Variants in COLEC12 observed in about 807,000 individuals in gnomAD.
The protein encoded by COLEC12 is collectin subfamily member 12.
In COLEC12, 33 loss-of-function variants were observed where a neutral mutation model predicts 71.1. The ratio of observed to expected loss-of-function variants is 0.46; its 90% CI spans 0.35 to 0.62. The LOEUF (loss-of-function observed/expected upper bound fraction) is 0.62, where lower values mean the gene tolerates loss of function less well. COLEC12 is among the 20% of genes least tolerant of loss of function. COLEC12 has a pLI of 0.00. For missense variants in COLEC12, 765 were observed against 916.1 expected (o/e 0.84, Z 2.13); for synonymous variants, 350 against 353.0 (o/e 0.99, Z 0.10).
chr18:495,685 G>C (rs7235036), intron 1 of COLEC12, among the ~76,000 whole-genome samples: 66,918 of 152,096 alleles, frequency 0.44, 14,971 homozygotes, highest in South Asian at 0.56. Flanking sequence ...CCTTGTCTAC[G>C]TTGCTCACTC....
intron 2 of COLEC12, among the ~76,000 whole-genome samples, chr18:377,147 T>C (rs1357328313): frequency 6.6e-6 from 1 of 151,974 alleles, no homozygotes; most frequent in Non-Finnish European, 1.5e-5. Flanking sequence ...CTTCAGTGGG[T>C]TTTAAACTGG....
At chr18:403,417 G>A (rs565480760) in intron 2 of COLEC12, among the ~76,000 whole-genome samples, 1 of 152,306 alleles carries the variant, frequency 6.6e-6, no homozygotes, top group South Asian at 2.1e-4. Context: ...TGCCTAGAGT[G>A]GGAAAATCTA....
chr18:403,949 C>A (rs1915736714), intron 2 of COLEC12, among the ~76,000 whole-genome samples: 1 of 152,190 alleles, frequency 6.6e-6, no homozygotes, highest in African/African-American at 2.4e-5. Flanking sequence ...CAATATATAA[C>A]CCTGGGCATC....
chr18:379,130 T>TG (rs1021739706), intron 2 of COLEC12, among the ~76,000 whole-genome samples: 1 of 151,762 alleles, frequency 6.6e-6, no homozygotes, highest in African/African-American at 2.4e-5. Flanking sequence ...TTTTTGTTTT[T>TG]TTTTTTCTTT....
rs777035448 is a variant in COLEC12, at chr18:331,780, GA to G, written c.1954-4del. ...ACCATCTGTTTTTTTATCCATTGCT[GA>G]AAAACAAAGCAGGGGTGGTGCGTGA... On this transcript the variant is annotated splice_region_variant and splice_polypyrimidine_tract_variant and intron_variant, in intron 7 of 9. Coordinates refer to ENST00000400256, the MANE Select transcript of COLEC12 (RefSeq NM_130386.3). The G allele has an allele frequency of 1.2e-5, 19 of 1,588,824 alleles. No individual in the cohort carries two copies. Among genetic ancestry groups the G allele is most frequent in the Admixed American group, 1.0e-4 (6 of 59,972 alleles).
chr18:468,559 A>G (rs747303782), intron 2 of COLEC12, among the ~76,000 whole-genome samples: 1 of 152,198 alleles, frequency 6.6e-6, no homozygotes, highest in Non-Finnish European at 1.5e-5. Context: ...GTGTATATTC[A>G]CATATACATA....
intron 2 of COLEC12, among the ~76,000 whole-genome samples, chr18:382,825 T>C (rs1915263033): frequency 6.6e-6 from 1 of 152,242 alleles, no homozygotes; most frequent in African/African-American, 2.4e-5. Context: ...TGACACATAA[T>C]AATTGTACAT....
intron 2 of COLEC12, among the ~76,000 whole-genome samples, chr18:476,245 T>C (rs909005157): frequency 3.9e-5 from 6 of 152,252 alleles, no homozygotes; most frequent in African/African-American, 1.2e-4. Flanking sequence ...ATCTACTCCA[T>C]AGAGAATGCT....
At chr18:468,952 A>G (rs1917139905) in intron 2 of COLEC12, among the ~76,000 whole-genome samples, 1 of 152,262 alleles carries the variant, frequency 6.6e-6, no homozygotes, top group African/African-American at 2.4e-5. Context: ...AAGTGAACAT[A>G]GCTGCTATTA....
chr18:345,046 A>G (rs950211913), intron 5 of COLEC12, among the ~76,000 whole-genome samples: 6 of 152,214 alleles, frequency 3.9e-5, no homozygotes, highest in Non-Finnish European at 8.8e-5. Flanking sequence ...ACATACCCCA[A>G]GGTGGCCCCT....
rs1432337900 is a variant in COLEC12, at chr18:357,502, A to C, written c.79T>G (p.Cys27Gly). The change falls in exon 3 of 10, where the codon TGT becomes GGT. Residue 27 changes from cysteine to glycine, a missense_variant. Transcript: ENST00000400256. Reference sequence around the variant, plus strand: ...GCCCAGTTATTTTTACATTTGGTACATTGTGTTCCTTCCTGAATACCTGTA... The same window carrying C: ...GCCCAGTTATTTTTACATTTGGTACCTTGTGTTCCTTCCTGAATACCTGTA... Reference protein sequence around the residue: ...KRFGIQEGTQCTKCKNNWALK... With the variant: ...KRFGIQEGTQGTKCKNNWALK... The C allele has an allele frequency of 1.9e-6, 3 of 1,576,498 alleles. No homozygotes were observed. Among genetic ancestry groups the C allele is most frequent in the African/African-American group, 1.4e-5 (1 of 73,978 alleles).
At chr18:353,257 AGCCTCTATTTATC>A (rs1244688530) in intron 3 of COLEC12, among the ~76,000 whole-genome samples, 1 of 152,190 alleles carries the variant, frequency 6.6e-6, no homozygotes, top group African/African-American at 2.4e-5. Context: ...TAATAATAAT[AGCCTCTATTTATC>A]GAGTGCCTGC....
chr18:403,747 A>G (rs920700518), intron 2 of COLEC12, among the ~76,000 whole-genome samples: 1 of 152,230 alleles, frequency 6.6e-6, no homozygotes, highest in African/African-American at 2.4e-5. Context: ...GTAAGAGAAA[A>G]GTTATCTTTT....
At position 399,612 on chromosome 18, in the gene COLEC12, C is replaced by T. The variant is rs1407984829; in HGVS notation, c.59-42090G>A. Reference sequence around the variant, plus strand: ...ATCTGAAGCTTTTGTCTAAGTCTCCCTGGCAGGTTATTTGCTTGAGTTTTA... The same window carrying T: ...ATCTGAAGCTTTTGTCTAAGTCTCCTTGGCAGGTTATTTGCTTGAGTTTTA... On this transcript the variant is annotated intron_variant, in intron 2 of 9. Transcript: ENST00000400256. The surrounding 1 kb of genome is among the most constrained non-coding windows in gnomAD (Gnocchi z 4.0). 6.6e-6 allele frequency among the ~76,000 whole-genome samples: 1 copy of T among 152,210 alleles called. No homozygotes were observed. Among genetic ancestry groups the T allele is most frequent in the East Asian group, 1.9e-4 (1 of 5,202 alleles).
Position 500,700 on chromosome 18 carries a change from C to T in COLEC12, c.-186G>A. ...CCCGCGCTCCCGGCTCCGCGCTCTGCTGCCTCGGGGCTGCCGCGCGCGCCG... is the reference window on the plus strand; with the variant it reads ...CCCGCGCTCCCGGCTCCGCGCTCTGTTGCCTCGGGGCTGCCGCGCGCGCCG... On this transcript the variant is annotated 5_prime_UTR_variant, in exon 1 of 10. Transcript: ENST00000400256. This position sits in a 1 kb window ranked among gnomAD's most constrained non-coding sequence, Gnocchi z 5.3. 4.6e-6 allele frequency: 1 copy of T among 216,532 alleles called. No individual in the cohort carries two copies. Among genetic ancestry groups the T allele is most frequent in the Non-Finnish European group, 8.1e-6 (1 of 123,578 alleles). 13.4% of individuals were successfully genotyped at this position (216,532 alleles called of 1,614,324 possible). A position where few individuals can be genotyped will look rare whatever the true frequency, so the allele number is the denominator to read the frequency against.
intron 5 of COLEC12, among the ~76,000 whole-genome samples, chr18:338,070 C>T (rs1914158524): frequency 6.6e-6 from 1 of 152,198 alleles, no homozygotes; most frequent in South Asian, 2.1e-4. Context: ...ATCAGTCTGG[C>T]ATGAAGGCTC....
intron 2 of COLEC12, among the ~76,000 whole-genome samples, chr18:419,171 CT>C (rs1916047177): frequency 7.2e-6 from 1 of 139,132 alleles, no homozygotes; most frequent in African/African-American, 3.3e-5. Context: ...CTATTCTATT[CT>C]ATTCTATTCT....
At chr18:438,389 A>G (rs1916447422) in intron 2 of COLEC12, among the ~76,000 whole-genome samples, 1 of 152,244 alleles carries the variant, frequency 6.6e-6, no homozygotes, top group African/African-American at 2.4e-5. Flanking sequence ...CTTAATATTT[A>G]TCAATTTTAA....
intron 2 of COLEC12, among the ~76,000 whole-genome samples, chr18:428,079 A>C (rs1916231727): frequency 6.6e-6 from 1 of 152,022 alleles, no homozygotes; most frequent in African/African-American, 2.4e-5. Context: ...AGCCTGGCCA[A>C]CATGGTGAAA....
Sources: gnomAD v4.1 joint callset for allele counts (sites outside exome capture counted in the v4.1 genomes callset) on GRCh38, gnomAD v4.1.1 for gene constraint, Gnocchi (gnomAD v3.1) non-coding constraint, MANE v1.5 for transcripts, NCBI Gene and HGNC (gene_info 2026-07-23, HGNC 2026-07-21) for gene names.